GEMIN5: variants seen among roughly 807,000 people sequenced by gnomAD.
The protein encoded by GEMIN5 is gem nuclear organelle associated protein 5.
Under a neutral mutation model 176.9 loss-of-function variants are expected in GEMIN5, and 124 were observed. The ratio of observed to expected loss-of-function variants is 0.70; its 90% confidence interval spans 0.61 to 0.81. The LOEUF (loss-of-function observed/expected upper bound fraction) is 0.81. Ranked by LOEUF, GEMIN5 falls within the 40% of genes least tolerant of loss-of-function variation. GEMIN5 has a pLI of 0.00. For missense variants in GEMIN5, 1,843 were observed against 1,814.6 expected (o/e 1.02, Z -0.28); for synonymous variants, 673 against 665.2 (o/e 1.01, Z -0.18).
chr5:154,915,783 C>G (rs1488693459), intron 13 of GEMIN5, among the ~76,000 whole-genome samples: 1 of 152,154 alleles, frequency 6.6e-6, no homozygotes, highest in East Asian at 1.9e-4. Flanking sequence ...TCAAAAACTG[C>G]TGGCGGAAGT....
At chr5:154,923,933 G>A (rs1230304007) in intron 9 of GEMIN5, among the ~76,000 whole-genome samples, 1 of 152,084 alleles carries the variant, frequency 6.6e-6, no homozygotes, top group African/African-American at 2.4e-5. Flanking sequence ...AACAATGTAA[G>A]CCACAAAGAT....
At chr5:154,896,025 A>G in intron 24 of GEMIN5, 67 bp downstream of exon 24, 1 of 1,563,074 alleles carries the variant, frequency 6.4e-7, no homozygotes, top group Non-Finnish European at 8.7e-7. Context: ...CCCCGTTACA[A>G]TAGACATGGA....
intron 18 of GEMIN5, among the ~76,000 whole-genome samples, chr5:154,903,655 A>G (rs1490475890): frequency 6.6e-6 from 1 of 152,184 alleles, no homozygotes; most frequent in Non-Finnish European, 1.5e-5. Flanking sequence ...TGATTATGCA[A>G]TACAGACAAA....
rs560326189 is a variant in GEMIN5, at chr5:154,936,951, A to G, written c.327+74T>C. The G allele has an allele frequency of 1.4e-4, 166 of 1,201,770 alleles. No individual in the cohort carries two copies. The African/African-American group carries it at 2.2e-3, about 16-fold the overall frequency. The allele number at this position is 1,201,770 out of a possible 1,614,324, so 74.4% of individuals were successfully genotyped here. Reference sequence around the variant, plus strand: ...GTTACTTTGCACAGATGAGCTAGCAAAACTAGCTTGCAACAGAAGAACCCT... The same window carrying G: ...GTTACTTTGCACAGATGAGCTAGCAGAACTAGCTTGCAACAGAAGAACCCT... On this transcript the variant is annotated intron_variant, in intron 2 of 27. Transcript: ENST00000285873.
At chr5:154,894,882 G>A (rs1327853552) in intron 24 of GEMIN5, among the ~76,000 whole-genome samples, 2 of 151,250 alleles carry the variant, frequency 1.3e-5, no homozygotes, top group Non-Finnish European at 2.9e-5. Context: ...ACTCCAGCCC[G>A]GGTGACAGAG....
intron 11 of GEMIN5, among the ~76,000 whole-genome samples, chr5:154,919,441 G>A (rs1333200880): frequency 2.0e-5 from 3 of 152,208 alleles, no homozygotes; most frequent in Non-Finnish European, 2.9e-5. Flanking sequence ...GTAATTAAAT[G>A]TGGGAATCTG....
chr5:154,905,236 C>A, intron 17 of GEMIN5, 127 bp downstream of exon 17: 1 of 479,944 alleles, frequency 2.1e-6, no homozygotes, highest in South Asian at 3.3e-5. Context: ...AATCAGAAAA[C>A]CTACAAATAT....
intron 2 of GEMIN5, among the ~76,000 whole-genome samples, chr5:154,936,576 T>C (rs956538061): frequency 6.6e-6 from 1 of 152,246 alleles, no homozygotes; most frequent in Non-Finnish European, 1.5e-5. Context: ...GGTCTTTTCC[T>C]TTGTTCTCTC....
intron 13 of GEMIN5, among the ~76,000 whole-genome samples, chr5:154,914,013 A>G (rs1763761792): frequency 6.6e-6 from 1 of 151,762 alleles, no homozygotes; most frequent in Non-Finnish European, 1.5e-5. Context: ...AAAAATAAAT[A>G]AATACACACA....
chr5:154,914,675 A>C (rs1763777405), intron 13 of GEMIN5, among the ~76,000 whole-genome samples: 1 of 151,998 alleles, frequency 6.6e-6, no homozygotes, highest in South Asian at 2.1e-4. Flanking sequence ...ATGTCCAGCT[A>C]ATCAAGTGAT....
At chr5:154,893,523 T>C (rs2113455107) in intron 24 of GEMIN5, among the ~76,000 whole-genome samples, 1 of 152,222 alleles carries the variant, frequency 6.6e-6, no homozygotes, top group South Asian at 2.1e-4. Flanking sequence ...GAAACATATA[T>C]AGTTACAACA....
chr5:154,897,791 G>A (rs1763380203), intron 23 of GEMIN5, among the ~76,000 whole-genome samples: 1 of 152,092 alleles, frequency 6.6e-6, no homozygotes, highest in Non-Finnish European at 1.5e-5. Context: ...TACAGGTAGA[G>A]TTCCATGATT....
At position 154,930,895 on chromosome 5, in the gene GEMIN5, A is replaced by G. The variant is rs1181979017; in HGVS notation, c.781+563T>C. On this transcript the variant is annotated intron_variant, in intron 5 of 27. Coordinates refer to ENST00000285873, the MANE Select transcript of GEMIN5 (RefSeq NM_015465.5). ...AGCCCGCTAGAAAGAGAAAAACAAG[A>G]TTTTTACTATAAAGGTTATATTCTA... 3.3e-5 allele frequency among the ~76,000 whole-genome samples: 5 copies of G among 152,320 alleles called. No homozygotes were observed. In the East Asian group the frequency reaches 9.6e-4, roughly 29 times the overall value.
At chr5:154,919,619 G>C (rs116422219) in intron 11 of GEMIN5, among the ~76,000 whole-genome samples, 77 of 152,306 alleles carry the variant, frequency 5.1e-4, no homozygotes, top group Admixed American at 2.8e-3. Flanking sequence ...GCATCACTTT[G>C]GTGAAAGTGG....
chr5:154,927,349 T>G (rs780863761), intron 7 of GEMIN5, 36 bp downstream of exon 7: 1 of 1,431,754 alleles, frequency 7.0e-7, no homozygotes, highest in Non-Finnish European at 9.8e-7. Flanking sequence ...TGTAAACTGC[T>G]GCTCTACAAT....
At chr5:154,922,697 GTTTT>G (rs941015595) in intron 9 of GEMIN5, among the ~76,000 whole-genome samples, 1 of 135,338 alleles carries the variant, frequency 7.4e-6, no homozygotes. Context: ...CTTTAAAACA[GTTTT>G]TTTTTTTTTT....
intron 24 of GEMIN5, among the ~76,000 whole-genome samples, chr5:154,893,212 G>C (rs1763274172): frequency 6.6e-6 from 1 of 150,542 alleles, no homozygotes; most frequent in Non-Finnish European, 1.5e-5. Context: ...CATCACTTTG[G>C]GAGGCTGAGG....
chr5:154,919,063 T>TA (rs898823452), intron 11 of GEMIN5, among the ~76,000 whole-genome samples: 4 of 150,922 alleles, frequency 2.7e-5, no homozygotes, highest in African/African-American at 4.9e-5. Flanking sequence ...AGTAAATAAA[T>TA]AAAAATACTC....
In GEMIN5 at chr5:154,930,283, G is replaced by A. The variant is rs181023103; in HGVS notation, c.781+1175C>T. Among the ~76,000 whole-genome samples the A allele has an allele frequency of 7.9e-5, 12 of 152,346 alleles. 1 individual carries two copies. In the East Asian group the frequency reaches 1.5e-3, roughly 20 times the overall value. The stretch of plus-strand genomic sequence containing the variant: ...CGACACAGCAGCAGGGGCCACATGC[G>A]TCAGGGATAAGAACCCCTCCCCTCC... On this transcript the variant is annotated intron_variant, in intron 5 of 27. Transcript: ENST00000285873.
Sources: gnomAD v4.1 joint callset for allele counts (sites outside exome capture counted in the v4.1 genomes callset) on GRCh38, gnomAD v4.1.1 for gene constraint, MANE v1.5 for transcripts, NCBI Gene and HGNC (gene_info 2026-07-23, HGNC 2026-07-21) for gene names.